ZHX2: variants seen among roughly 807,000 people sequenced by gnomAD.
ZHX2 encodes zinc fingers and homeoboxes 2, also known as zinc fingers and homeoboxes protein 2.
In ZHX2, 6 loss-of-function variants were observed where a neutral mutation model predicts 21.9. The observed-to-expected ratio is 0.27, with a 90% CI of 0.15 to 0.54. The LOEUF is 0.54. Among genes scored for constraint, ZHX2 ranks in the 20% least tolerant of loss-of-function variants. The probability of loss-of-function intolerance (pLI) is 0.95; values close to 1 mark genes in which losing one functional copy is unlikely to be tolerated. For missense variants in ZHX2, 908 were observed against 1,090.7 expected (o/e 0.83, Z 2.36); for synonymous variants, 434 against 437.1 (o/e 0.99, Z 0.09).
intron 2 of ZHX2, among the ~76,000 whole-genome samples, chr8:122,902,438 C>T (rs1306100400): frequency 6.6e-6 from 1 of 152,212 alleles, no homozygotes; most frequent in East Asian, 1.9e-4. Flanking sequence ...GTTTCCTCAG[C>T]TGTACATTGG....
intron 2 of ZHX2, among the ~76,000 whole-genome samples, chr8:122,878,022 C>T (rs1266754754): frequency 6.6e-6 from 1 of 152,056 alleles, no homozygotes; most frequent in Non-Finnish European, 1.5e-5. Flanking sequence ...TCTGTTCCCT[C>T]CTATCAGGAT....
intron 2 of ZHX2, among the ~76,000 whole-genome samples, chr8:122,938,939 T>C (rs1812772571): frequency 6.6e-6 from 1 of 152,138 alleles, no homozygotes; most frequent in Non-Finnish European, 1.5e-5. Flanking sequence ...ATGGGGGATA[T>C]ATTTGGCAGT....
At chr8:122,846,041 T>C (rs567785513) in intron 1 of ZHX2, among the ~76,000 whole-genome samples, 26 of 151,944 alleles carry the variant, frequency 1.7e-4, no homozygotes, top group Non-Finnish European at 3.4e-4. Context: ...GAAGTTCCAG[T>C]AAGAGATGAG....
intron 3 of ZHX2, among the ~76,000 whole-genome samples, chr8:122,955,036 G>A (rs1046466499): frequency 2.1e-5 from 3 of 144,384 alleles, no homozygotes; most frequent in Non-Finnish European, 4.5e-5. Flanking sequence ...TGGAAGAGCC[G>A]GGTGTAAATT....
chr8:122,810,787 G>T (rs1817912549), intron 1 of ZHX2, among the ~76,000 whole-genome samples: 2 of 148,842 alleles, frequency 1.3e-5, no homozygotes, highest in Non-Finnish European at 3.0e-5. Context: ...AGACTAGCAT[G>T]TCTTTTTTTT....
At chr8:122,869,340 T>C (rs1477229242) in intron 2 of ZHX2, among the ~76,000 whole-genome samples, 1 of 151,948 alleles carries the variant, frequency 6.6e-6, no homozygotes, top group Non-Finnish European at 1.5e-5. Context: ...TTTTTTTTGT[T>C]TTTTGAGACA....
At chr8:122,939,188 G>T (rs1812780056) in intron 2 of ZHX2, among the ~76,000 whole-genome samples, 1 of 152,166 alleles carries the variant, frequency 6.6e-6, no homozygotes, top group Non-Finnish European at 1.5e-5. Flanking sequence ...CCTTTGATGT[G>T]GCTACCATTT....
chr8:122,971,986 G>A (rs897773599), intron 3 of ZHX2, among the ~76,000 whole-genome samples: 1 of 152,228 alleles, frequency 6.6e-6, no homozygotes, highest in Non-Finnish European at 1.5e-5. Flanking sequence ...GCAGGAGTCT[G>A]TTCTGTGCCC....
intron 2 of ZHX2, among the ~76,000 whole-genome samples, chr8:122,947,035 G>A (rs1433050646): frequency 6.8e-6 from 1 of 147,738 alleles, no homozygotes; most frequent in Non-Finnish European, 1.5e-5. Context: ...GCAAGTGGAT[G>A]GCTTGAGCCC....
At chr8:122,919,600 G>A (rs1031387505) in intron 2 of ZHX2, among the ~76,000 whole-genome samples, 1 of 152,210 alleles carries the variant, frequency 6.6e-6, no homozygotes, top group Admixed American at 6.5e-5. Flanking sequence ...CAGGGCTGTG[G>A]TAATTACTAG....
chr8:122,879,288 C>G lies in ZHX2; in HGVS notation c.-220+15749C>G, dbSNP rs140250385. Among the ~76,000 whole-genome samples, 174 of 152,210 alleles carry G rather than the reference C, an allele frequency of 1.1e-3. 4 individuals carry two copies. The East Asian group carries it at 0.03, about 26-fold the overall frequency. On this transcript the variant is annotated intron_variant, in intron 2 of 3. Transcript: ENST00000314393. ...GTGGCACGATCTTGGCTCACTGCAACCTCTGCCTCCCAGGTTCAAGCGATT... is the reference window on the plus strand; with the variant it reads ...GTGGCACGATCTTGGCTCACTGCAAGCTCTGCCTCCCAGGTTCAAGCGATT...
chr8:122,912,312 TCCA>T (rs1047968978), intron 2 of ZHX2, among the ~76,000 whole-genome samples: 1 of 152,234 alleles, frequency 6.6e-6, no homozygotes, highest in African/African-American at 2.4e-5. Flanking sequence ...ATCTGTCATG[TCCA>T]CCAGCCACAG....
chr8:122,875,129 TTATATATATATATATATA>T (rs71310631), intron 2 of ZHX2, among the ~76,000 whole-genome samples: 39 of 10,220 alleles, frequency 3.8e-3, no homozygotes, highest in Non-Finnish European at 6.2e-3. Flanking sequence ...GAAAACTCTG[TTATATATATATATATATA>T]TATATATATA....
chr8:122,933,829 A>G (rs1812609954), intron 2 of ZHX2, among the ~76,000 whole-genome samples: 1 of 152,158 alleles, frequency 6.6e-6, no homozygotes, highest in South Asian at 2.1e-4. Context: ...AAATGGATCA[A>G]ATTAGCCTCA....
intron 1 of ZHX2, among the ~76,000 whole-genome samples, chr8:122,857,968 C>T (rs537655843): frequency 6.6e-6 from 1 of 152,288 alleles, no homozygotes; most frequent in African/African-American, 2.4e-5. Flanking sequence ...TCCATATGAC[C>T]AGCATTTTCT....
At chr8:122,878,934 C>T (rs1319127854) in intron 2 of ZHX2, among the ~76,000 whole-genome samples, 1 of 152,138 alleles carries the variant, frequency 6.6e-6, no homozygotes, top group African/African-American at 2.4e-5. Context: ...GTGTCTTCCA[C>T]CCCACACCTG....
intron 2 of ZHX2, among the ~76,000 whole-genome samples, chr8:122,874,704 A>G (rs1438377447): frequency 2.0e-5 from 3 of 152,200 alleles, no homozygotes. Flanking sequence ...AGAGGCACCT[A>G]AAAGTCAGTT....
chr8:122,787,524 C>T (rs116827648), intron 1 of ZHX2, among the ~76,000 whole-genome samples: 2,650 of 152,250 alleles, frequency 0.017, 79 homozygotes, highest in African/African-American at 0.061. Context: ...GATGGAATAG[C>T]GGGAAGCCCA....
Position 122,921,248 on chromosome 8 carries a change from A to AT in ZHX2, c.-219-30037dup, listed in dbSNP as rs1279984026. ...AGGCACCCACAACCACACCTGGCTA[A>AT]TTTTTTTGTATTTTTAGTAGAGATG... is the stretch of plus-strand genomic sequence containing the variant. On this transcript the variant is annotated intron_variant, in intron 2 of 3. Coordinates refer to ENST00000314393, the MANE Select transcript of ZHX2 (RefSeq NM_014943.5). Among the ~76,000 whole-genome samples the AT allele has an allele frequency of 2.6e-5, 4 of 151,832 alleles. No homozygotes were observed. In the East Asian group the frequency reaches 7.8e-4, roughly 30 times the overall value.
Sources: allele counts gnomAD v4.1 joint callset (sites outside exome capture counted in the v4.1 genomes callset), GRCh38; gene constraint gnomAD v4.1.1; transcripts MANE v1.5; gene names NCBI Gene and HGNC (gene_info 2026-07-23, HGNC 2026-07-21).